DCC: variants seen among roughly 807,000 people sequenced by gnomAD.
DCC encodes DCC netrin 1 receptor.
Under a neutral mutation model 172.5 loss-of-function variants are expected in DCC, and 58 were observed. The ratio of observed to expected loss-of-function variants is 0.34; its 90% CI spans 0.27 to 0.42. The LOEUF is 0.42. Ranked by LOEUF, DCC falls within the 10% of genes least tolerant of loss-of-function variation. The probability of loss-of-function intolerance (pLI) is 1.00; values close to 1 mark genes in which losing one functional copy is unlikely to be tolerated. For synonymous variants in DCC, 709 were observed against 644.5 expected, an observed-to-expected ratio of 1.10 and a Z score of -1.52; for missense variants, 1,740 against 1,791.0, an observed-to-expected ratio of 0.97 and a Z score of 0.51.
chr18:53,127,261 C>G (rs2043575288), intron 7 of DCC, among the ~76,000 whole-genome samples: 1 of 151,502 alleles, frequency 6.6e-6, no homozygotes. Context: ...CCCGCCTGAG[C>G]CTCCCAAAGT....
rs2046459355 is a variant in DCC, at chr18:53,526,664, G to A, written c.4159G>A (p.Ala1387Thr). 1 of 1,613,420 alleles carries A rather than the reference G, an allele frequency of 6.2e-7. No homozygotes were observed. The highest frequency in any genetic ancestry group is 1.3e-5 in the African/African-American group (1 of 74,872). ...THVKTASLGLAGKARSPLLPV... is the reference protein window; with the variant it reads ...THVKTASLGLTGKARSPLLPV... ...TGTGAAAACAGCCTCCCTTGGGTTG[G>A]CTGGAAAAGCAAGATCCCCTTTGCT... Residue 1387 changes from alanine (A) to threonine (T), a missense_variant, in exon 28 of 29, where the codon GCT (alanine) becomes ACT (threonine). This residue lies in a region of DCC where 1,732 missense variants were observed against 1,767.4 expected (regional missense o/e 0.98). Coordinates refer to ENST00000442544, the MANE Select transcript of DCC (RefSeq NM_005215.4).
intron 5 of DCC, among the ~76,000 whole-genome samples, chr18:53,047,428 CATATATAT>C (rs58797605): frequency 0.032 from 1,609 of 50,026 alleles, 80 homozygotes; most frequent in African/African-American, 0.097. Flanking sequence ...ATATATTTTA[CATATATAT>C]ATATATATAT....
At chr18:52,667,745 G>A (rs1239612067) in intron 1 of DCC, among the ~76,000 whole-genome samples, 1 of 152,216 alleles carries the variant, frequency 6.6e-6, no homozygotes, top group East Asian at 1.9e-4. Context: ...AGGGTGAGCA[G>A]ATTGTGCCTT....
At chr18:52,545,106 A>G (rs1484844391) in intron 1 of DCC, among the ~76,000 whole-genome samples, 1 of 152,234 alleles carries the variant, frequency 6.6e-6, no homozygotes, top group Non-Finnish European at 1.5e-5. Context: ...AAGATGCTCA[A>G]TTAGATGGTG....
At chr18:52,724,988 T>G (rs1055607625) in intron 1 of DCC, among the ~76,000 whole-genome samples, 2 of 152,154 alleles carry the variant, frequency 1.3e-5, no homozygotes, top group African/African-American at 4.8e-5. Context: ...TCTCACCAAA[T>G]AAAGAAATAG....
intron 1 of DCC, among the ~76,000 whole-genome samples, chr18:52,345,502 T>G (rs1024791588): frequency 6.6e-6 from 1 of 152,228 alleles, no homozygotes; most frequent in African/African-American, 2.4e-5. Context: ...TCATGATTAA[T>G]AGACACTCAA....
chr18:52,540,973 G>A (rs1012765835), intron 1 of DCC, among the ~76,000 whole-genome samples: 2 of 152,102 alleles, frequency 1.3e-5, no homozygotes, highest in African/African-American at 4.8e-5. Context: ...ATTGCAATTG[G>A]GTGGTGATAG....
intron 1 of DCC, among the ~76,000 whole-genome samples, chr18:52,429,411 C>A (rs1391959573): frequency 6.6e-6 from 1 of 152,008 alleles, no homozygotes; most frequent in Non-Finnish European, 1.5e-5. Flanking sequence ...ACATCTGCTG[C>A]TTTTTAGGAT....
At chr18:52,555,122 T>A (rs556424019) in intron 1 of DCC, among the ~76,000 whole-genome samples, 8 of 152,204 alleles carry the variant, frequency 5.3e-5, no homozygotes, top group African/African-American at 1.9e-4. Flanking sequence ...TTGTGCTAGC[T>A]GGCTTTTAAA....
chr18:52,920,470 GCAACTTA>G (rs2040105922), intron 3 of DCC, among the ~76,000 whole-genome samples: 1 of 151,418 alleles, frequency 6.6e-6, no homozygotes. Context: ...TTAGGCAATT[GCAACTTA>G]AAACATCTAT....
intron 1 of DCC, among the ~76,000 whole-genome samples, chr18:52,411,304 G>T (rs1986835091): frequency 1.3e-5 from 2 of 152,090 alleles, no homozygotes; most frequent in African/African-American, 4.8e-5. Flanking sequence ...TCTCTGTAAT[G>T]CTACCCCTTC....
rs774712596 is a variant in DCC, at chr18:53,305,717, C to T, written c.2051C>T (p.Thr684Ile). 4 of 1,613,850 alleles carry T rather than the reference C, an allele frequency of 2.5e-6. No homozygotes were observed. The highest frequency in any genetic ancestry group is 3.4e-6 in the Non-Finnish European group (4 of 1,179,810). The change falls in exon 13 of 29, where the codon ACA becomes ATA. Residue 684 changes from threonine (T) to isoleucine (I), a missense_variant and splice_region_variant. Thr to Ile is a moderately conservative substitution (Grantham distance 89). This residue lies in a region of DCC where 1,732 missense variants were observed against 1,767.4 expected (regional missense o/e 0.98). Transcript: ENST00000442544. ...LEPNNLWYLF[T>I]GLEKGSQYSF... ...CCAAACAACCTCTGGTACCTATTCA[C>T]AGGTCAGTGTTCACATGGTGTAGTC...
chr18:52,624,735 C>T (rs1323691610), intron 1 of DCC, among the ~76,000 whole-genome samples: 1 of 152,208 alleles, frequency 6.6e-6, no homozygotes, highest in East Asian at 1.9e-4. Context: ...TGTTGCACTT[C>T]TGCTATGCAA....
chr18:53,334,558 T>G (rs2144856130), intron 14 of DCC, among the ~76,000 whole-genome samples: 1 of 152,294 alleles, frequency 6.6e-6, no homozygotes, highest in East Asian at 1.9e-4. Flanking sequence ...AGTGAAGTGC[T>G]GTACCCATTA....
chr18:53,506,494 GGTTTA>G (rs1416696952), intron 27 of DCC, among the ~76,000 whole-genome samples: 1 of 152,068 alleles, frequency 6.6e-6, no homozygotes, highest in East Asian at 1.9e-4. Flanking sequence ...GAAATTCAGT[GGTTTA>G]TTTTTATGAA....
At chr18:53,060,873 A>C (rs2042484978) in intron 5 of DCC, among the ~76,000 whole-genome samples, 1 of 152,130 alleles carries the variant, frequency 6.6e-6, no homozygotes, top group South Asian at 2.1e-4. Context: ...TGTTATGTAG[A>C]GCACACTATT....
intron 1 of DCC, among the ~76,000 whole-genome samples, chr18:52,568,960 A>G (rs1037677014): frequency 6.6e-6 from 1 of 152,234 alleles, no homozygotes; most frequent in Admixed American, 6.5e-5. Flanking sequence ...ATTTGTTTGT[A>G]TATATATCTC....
At position 52,779,976 on chromosome 18, in the gene DCC, A is replaced by G. The variant is rs28701129; in HGVS notation, c.412+27602A>G. Among the ~76,000 whole-genome samples, 1,004 of 152,342 alleles carry G rather than the reference A, an allele frequency of 6.6e-3. 14 individuals carry two copies. The highest frequency in any genetic ancestry group is 0.023 in the African/African-American group (937 of 41,586). On this transcript the variant is annotated intron_variant, in intron 2 of 28. Transcript: ENST00000442544. Reference sequence around the variant, plus strand: ...TAAGATTTTGATTGAAATGCATTCAATTATAAATTTGGAAAGAGAAATTGA... The same window carrying G: ...TAAGATTTTGATTGAAATGCATTCAGTTATAAATTTGGAAAGAGAAATTGA...
chr18:53,169,408 G>C (rs1032308794), intron 8 of DCC, among the ~76,000 whole-genome samples: 3 of 152,166 alleles, frequency 2.0e-5, no homozygotes, highest in African/African-American at 7.2e-5. Context: ...TGAGGAATCA[G>C]ACTTCGTATA....
Sources: gnomAD v4.1 joint callset for allele counts (sites outside exome capture counted in the v4.1 genomes callset) on GRCh38, gnomAD v4.1.1 for gene constraint, gnomAD v4.1.1 regional missense constraint, MANE v1.5 for transcripts, NCBI Gene and HGNC (gene_info 2026-07-23, HGNC 2026-07-21) for gene names.